The following PPM1E variants were observed in gnomAD, a reference collection of about 807,000 sequenced individuals.
PPM1E encodes protein phosphatase 1E.
Under a neutral mutation model 65.9 loss-of-function variants are expected in PPM1E, and 20 were observed. The observed-to-expected ratio is 0.30, with a 90% CI of 0.21 to 0.44. The LOEUF (loss-of-function observed/expected upper bound fraction) is 0.44, where lower values mean the gene tolerates loss of function less well. PPM1E is among the 20% of genes least tolerant of loss of function. The pLI, the probability that PPM1E is intolerant of heterozygous loss-of-function variation, is 1.00. For missense variants in PPM1E, 713 were observed against 953.1 expected (o/e 0.75, Z 3.32); for synonymous variants, 352 against 374.9 (o/e 0.94, Z 0.70).
intron 1 of PPM1E, among the ~76,000 whole-genome samples, chr17:58,799,751 T>G (rs909892101): frequency 6.6e-6 from 1 of 152,054 alleles, no homozygotes; most frequent in Non-Finnish European, 1.5e-5. Context: ...GCCAAATTTT[T>G]TGTATTTTGG....
intron 1 of PPM1E, among the ~76,000 whole-genome samples, chr17:58,906,513 T>C (rs2051559977): frequency 2.0e-5 from 3 of 152,100 alleles, no homozygotes. Context: ...AATTTTTGTA[T>C]TTTTTGTATA....
At chr17:58,891,842 T>C (rs1233085097) in intron 1 of PPM1E, among the ~76,000 whole-genome samples, 1 of 138,496 alleles carries the variant, frequency 7.2e-6, no homozygotes, top group Non-Finnish European at 1.6e-5. Context: ...CTTTTTTTTT[T>C]TTTTTTTTTT....
intron 1 of PPM1E, among the ~76,000 whole-genome samples, chr17:58,804,781 T>G (rs1434916175): frequency 6.6e-6 from 1 of 152,186 alleles, no homozygotes; most frequent in Admixed American, 6.5e-5. Context: ...TTTTACTTAT[T>G]TAATGGGGTA....
At chr17:58,931,114 C>T (rs551278618) in intron 1 of PPM1E, among the ~76,000 whole-genome samples, 4 of 149,390 alleles carry the variant, frequency 2.7e-5, no homozygotes, top group Admixed American at 6.7e-5. Context: ...AAGCCGGGCG[C>T]GGTGGCTCAC....
chr17:58,840,789 G>A (rs920585990), intron 1 of PPM1E, among the ~76,000 whole-genome samples: 2 of 152,206 alleles, frequency 1.3e-5, no homozygotes, highest in African/African-American at 4.8e-5. Flanking sequence ...CATGATTGTG[G>A]TGGGTTGCAG....
intron 1 of PPM1E, among the ~76,000 whole-genome samples, chr17:58,760,802 A>G (rs1428177999): frequency 6.6e-6 from 1 of 152,236 alleles, no homozygotes; most frequent in East Asian, 1.9e-4. Flanking sequence ...AACCACCCTC[A>G]GATTCAGTAA....
At chr17:58,833,169 TA>T (rs1004987772) in intron 1 of PPM1E, among the ~76,000 whole-genome samples, 6 of 151,836 alleles carry the variant, frequency 4.0e-5, no homozygotes, top group African/African-American at 1.5e-4. Context: ...ATCACATGTA[TA>T]AATTCATATG....
At chr17:58,806,693 G>GTTTTTT (rs2050317576) in intron 1 of PPM1E, among the ~76,000 whole-genome samples, 1 of 131,550 alleles carries the variant, frequency 7.6e-6, no homozygotes, top group Non-Finnish European at 1.6e-5. Context: ...GTTTTGTTTT[G>GTTTTTT]TTTTCTTTTT....
At chr17:58,824,800 G>A (rs1051293924) in intron 1 of PPM1E, among the ~76,000 whole-genome samples, 2 of 149,614 alleles carry the variant, frequency 1.3e-5, no homozygotes, top group African/African-American at 4.9e-5. Context: ...AGTAGTGACA[G>A]AGTTTCACCG....
At chr17:58,879,930 G>T (rs1300916639) in intron 1 of PPM1E, among the ~76,000 whole-genome samples, 1 of 152,110 alleles carries the variant, frequency 6.6e-6, no homozygotes, top group Non-Finnish European at 1.5e-5. Flanking sequence ...CTGGGTCTGA[G>T]AATTAAATTG....
intron 1 of PPM1E, among the ~76,000 whole-genome samples, chr17:58,927,121 ACTT>A (rs1273908533): frequency 6.9e-6 from 1 of 145,260 alleles, no homozygotes; most frequent in Non-Finnish European, 1.5e-5. Context: ...TGACTTTTAA[ACTT>A]TTTTTTTTTT....
chr17:58,872,733 A>AC (rs1325773966), intron 1 of PPM1E, among the ~76,000 whole-genome samples: 7 of 152,276 alleles, frequency 4.6e-5, no homozygotes, highest in African/African-American at 1.7e-4. Context: ...GGAAACACAG[A>AC]CCCCAAACAC....
At chr17:58,974,069 A>G (rs2030839944) in intron 6 of PPM1E, among the ~76,000 whole-genome samples, 1 of 151,750 alleles carries the variant, frequency 6.6e-6, no homozygotes, top group Non-Finnish European at 1.5e-5. Context: ...TTGAGGCTGC[A>G]GTGAGCCAAG....
At chr17:58,853,700 C>T (rs761584447) in intron 1 of PPM1E, among the ~76,000 whole-genome samples, 1 of 152,018 alleles carries the variant, frequency 6.6e-6, no homozygotes, top group Non-Finnish European at 1.5e-5. Flanking sequence ...TGATGGCACA[C>T]GTCTGTAATC....
intron 1 of PPM1E, among the ~76,000 whole-genome samples, chr17:58,942,005 C>CAAA (rs1173378193): frequency 8.9e-5 from 6 of 67,792 alleles, no homozygotes; most frequent in African/African-American, 1.3e-4. Context: ...GACTTCGTCT[C>CAAA]AAAAAAAAAA....
intron 5 of PPM1E, 111 bp from the exon 6 acceptor site, chr17:58,972,721 A>C: frequency 1.0e-6 from 1 of 978,304 alleles, no homozygotes; most frequent in South Asian, 1.4e-5. Flanking sequence ...TGGAGAAACA[A>C]AGAGAACCTT....
At chr17:58,816,794 A>T (rs8069389) in intron 1 of PPM1E, among the ~76,000 whole-genome samples, 2,529 of 16,364 alleles carry the variant, frequency 0.15, 123 homozygotes, top group South Asian at 0.29. Flanking sequence ...ATATATATAT[A>T]TTTTTTTTTT....
rs777531778 is a variant in PPM1E at position 58,982,562 on chromosome 17, G to A, written c.*1531G>A. 1.3e-5 allele frequency: 3 copies of A among 239,706 alleles called. No homozygotes were observed. Among genetic ancestry groups the A allele is most frequent in the Non-Finnish European group, 1.6e-5 (2 of 122,416 alleles). 14.8% of individuals were successfully genotyped at this position (239,706 alleles called of 1,614,324 possible). A position where few individuals can be genotyped will look rare whatever the true frequency, so the allele number is the denominator to read the frequency against. ...CCCATAACAGAGGACTAAAATCTCT[G>A]AATTTTAAAGACACAGATGACTGGC... On this transcript the variant is annotated 3_prime_UTR_variant, in exon 7 of 7. Transcript: ENST00000308249.
intron 1 of PPM1E, among the ~76,000 whole-genome samples, chr17:58,805,765 G>T (rs938543716): frequency 1.3e-5 from 2 of 151,696 alleles, no homozygotes; most frequent in Non-Finnish European, 2.9e-5. Context: ...TTCATTTTCT[G>T]ATCATCAAGG....
Sources: allele counts gnomAD v4.1 joint callset (sites outside exome capture counted in the v4.1 genomes callset), GRCh38; gene constraint gnomAD v4.1.1; transcripts MANE v1.5; gene names NCBI Gene and HGNC (gene_info 2026-07-23, HGNC 2026-07-21).